ZZEF1: variants seen among roughly 807,000 people sequenced by gnomAD.
ZZEF1 encodes the protein zinc finger ZZ-type and EF-hand domain-containing protein 1.
ZZEF1 carries 157 observed loss-of-function variants against 342.8 expected under a neutral mutation model. The observed-to-expected ratio is 0.46, with a 90% CI of 0.40 to 0.52. The LOEUF is 0.52. Ranked by LOEUF, ZZEF1 falls within the 20% of genes least tolerant of loss-of-function variation. The pLI, the probability that ZZEF1 is intolerant of heterozygous loss-of-function variation, is 0.00. For missense variants in ZZEF1, 3,480 were observed against 3,725.6 expected, an observed-to-expected ratio of 0.93 and a Z score of 1.72; for synonymous variants, 1,505 against 1,429.1, an observed-to-expected ratio of 1.05 and a Z score of -1.20.
At chr17:4,068,172 T>C (rs938966945) in intron 26 of ZZEF1, among the ~76,000 whole-genome samples, 2 of 152,156 alleles carry the variant, frequency 1.3e-5, no homozygotes, top group Admixed American at 6.5e-5. Flanking sequence ...TCCAGGTAAA[T>C]AGAAAAACAT....
intron 1 of ZZEF1, among the ~76,000 whole-genome samples, chr17:4,131,845 A>G (rs2058667254): frequency 2.6e-5 from 4 of 152,326 alleles, no homozygotes; most frequent in Admixed American, 2.6e-4. Flanking sequence ...ACATAATCAT[A>G]ATAAGGTAAA....
At chr17:4,127,490 C>T (rs1484405614) in intron 1 of ZZEF1, among the ~76,000 whole-genome samples, 6 of 152,048 alleles carry the variant, frequency 3.9e-5, no homozygotes, top group South Asian at 2.1e-4. Flanking sequence ...AAGCAGGGGG[C>T]GGTTTAGAAC....
Position 4,016,257 on chromosome 17 carries a change from A to C in ZZEF1, c.8145+66T>G. 6.5e-7 allele frequency: 1 copy of C among 1,549,796 alleles called. No homozygotes were observed. The highest frequency in any genetic ancestry group is 8.7e-7 in the Non-Finnish European group (1 of 1,151,698). Reference sequence around the variant, plus strand: ...GGGGCTGAGCATGGAGGGGCTGAGCACGGAGGGGCTGACGAGGTCTCTGCG... The same window carrying C: ...GGGGCTGAGCATGGAGGGGCTGAGCCCGGAGGGGCTGACGAGGTCTCTGCG... On this transcript the variant is annotated intron_variant, in intron 49 of 54. Coordinates refer to ENST00000381638, the MANE Select transcript of ZZEF1 (RefSeq NM_015113.4). The surrounding 1 kb of genome is among the most constrained non-coding windows in gnomAD (Gnocchi z 4.4).
intron 9 of ZZEF1, among the ~76,000 whole-genome samples, chr17:4,097,257 AAAAAAAG>A (rs1472677377): frequency 2.7e-4 from 41 of 151,702 alleles, no homozygotes; most frequent in Non-Finnish European, 3.8e-4. Context: ...GTCTCAAAAA[AAAAAAAG>A]AAAAAGAAAA....
intron 9 of ZZEF1, among the ~76,000 whole-genome samples, chr17:4,099,155 TA>T (rs60721771): frequency 0.035 from 5,115 of 147,794 alleles, 234 homozygotes; most frequent in African/African-American, 0.1. Flanking sequence ...AACAAAACCT[TA>T]AAAAAAAAAA....
At chr17:4,093,176 A>G (rs35578550) in intron 11 of ZZEF1, among the ~76,000 whole-genome samples, 20,274 of 152,182 alleles carry the variant, frequency 0.13, 1,551 homozygotes, top group East Asian at 0.18. Flanking sequence ...CTTGTTTAAC[A>G]GCAGGTTTAG....
At chr17:4,012,996 G>A (rs902291794) in intron 52 of ZZEF1, among the ~76,000 whole-genome samples, 11 of 151,366 alleles carry the variant, frequency 7.3e-5, no homozygotes, top group African/African-American at 2.4e-4. Flanking sequence ...TGGATTAGAG[G>A]ACTTGATGTT....
At chr17:4,097,258 A>AAAAAAAG (rs2058052367) in intron 9 of ZZEF1, among the ~76,000 whole-genome samples, 1 of 151,408 alleles carries the variant, frequency 6.6e-6, no homozygotes, top group Non-Finnish European at 1.5e-5. Flanking sequence ...TCTCAAAAAA[A>AAAAAAAG]AAAAAGAAAA....
intron 9 of ZZEF1, among the ~76,000 whole-genome samples, chr17:4,101,754 G>A (rs1303678897): frequency 6.6e-6 from 1 of 152,136 alleles, no homozygotes; most frequent in Non-Finnish European, 1.5e-5. Flanking sequence ...AGCCTCCCAA[G>A]TAGCTGGAAT....
chr17:4,017,950 G>A lies in ZZEF1; in HGVS notation c.7527C>T (p.Thr2509=). The A allele has an allele frequency of 6.2e-7, 1 of 1,613,800 alleles. No individual in the cohort carries two copies. The highest frequency in any genetic ancestry group is 8.5e-7 in the Non-Finnish European group (1 of 1,180,040). The change falls in exon 47 of 55, where the codon ACC becomes ACT. Residue 2509 remains threonine, a synonymous_variant. Coordinates refer to ENST00000381638, the MANE Select transcript of ZZEF1 (RefSeq NM_015113.4). The surrounding 1 kb of genome is among the most constrained non-coding windows in gnomAD (Gnocchi z 5.1). The part of the protein sequence containing the change: ...VQKRFDGDEL[T]TDERIRSLAQ... ...CCAGGGACCGTATCCTTTCATCTGT[G>A]GTGAGCTCATCACCATCAAACCTGC...
At position 4,095,788 on chromosome 17, in the gene ZZEF1, G is replaced by C. The variant is rs764651527; in HGVS notation, c.1913+43C>G. The C allele has an allele frequency of 2.6e-6, 4 of 1,556,928 alleles. No homozygotes were observed. In the East Asian group the frequency reaches 6.8e-5, roughly 26 times the overall value. On this transcript the variant is annotated intron_variant, in intron 11 of 54. Transcript: ENST00000381638. ...ATTCTTATTAACTACAAAGATTTTT[G>C]TTCTGTAGATCTTTGTTCTACAAAG...
At chr17:4,097,947 C>CAAAAAAAAAAAAA (rs2058065352) in intron 9 of ZZEF1, among the ~76,000 whole-genome samples, 5 of 93,362 alleles carry the variant, frequency 5.4e-5, no homozygotes, top group South Asian at 3.5e-4. Context: ...AAAAAAAAAG[C>CAAAAAAAAAAAAA]AAAAATCAAG....
intron 18 of ZZEF1, among the ~76,000 whole-genome samples, chr17:4,080,259 A>G (rs879292138): frequency 6.0e-5 from 9 of 151,018 alleles, no homozygotes; most frequent in Non-Finnish European, 1.3e-4. Flanking sequence ...AATCACTAAC[A>G]CAGAAAAAAG....
At chr17:4,049,650 G>A (rs971248320) in intron 37 of ZZEF1, 58 bp downstream of exon 37, 7 of 1,604,056 alleles carry the variant, frequency 4.4e-6, no homozygotes, top group Non-Finnish European at 6.0e-6. Flanking sequence ...TGCACTGAGT[G>A]AATGGCTCTC....
intron 32 of ZZEF1, 60 bp downstream of exon 32, chr17:4,057,934 A>G: frequency 1.9e-6 from 3 of 1,550,702 alleles, no homozygotes; most frequent in South Asian, 2.4e-5. Flanking sequence ...CGCCCCCACT[A>G]TGTTCCTTGC....
At chr17:4,082,024 G>C (rs2057733042) in intron 17 of ZZEF1, among the ~76,000 whole-genome samples, 1 of 152,130 alleles carries the variant, frequency 6.6e-6, no homozygotes, top group South Asian at 2.1e-4. Flanking sequence ...GGCCCATTTA[G>C]CTTCTCTGGT....
intron 32 of ZZEF1, among the ~76,000 whole-genome samples, chr17:4,057,258 C>T (rs781840): frequency 0.51 from 77,479 of 152,036 alleles, 21,906 homozygotes; most frequent in African/African-American, 0.78. Context: ...CCTCTGCCAA[C>T]GGAGCTCCAA....
chr17:4,044,010 C>T (rs925845906), intron 38 of ZZEF1, among the ~76,000 whole-genome samples: 2 of 152,182 alleles, frequency 1.3e-5, no homozygotes, highest in East Asian at 3.8e-4. Context: ...ATAGAAAGCA[C>T]TTAGTAAATA....
At chr17:4,094,799 C>T (rs1008167712) in intron 11 of ZZEF1, among the ~76,000 whole-genome samples, 4 of 152,190 alleles carry the variant, frequency 2.6e-5, no homozygotes, top group African/African-American at 7.2e-5. Flanking sequence ...TCTTGGTCCA[C>T]ATCTCTGCAC....
Sources: allele counts gnomAD v4.1 joint callset (sites outside exome capture counted in the v4.1 genomes callset), GRCh38; gene constraint gnomAD v4.1.1; non-coding constraint Gnocchi (gnomAD v3.1); transcripts MANE v1.5; gene names NCBI Gene and HGNC (gene_info 2026-07-23, HGNC 2026-07-21).